The following MCF2L variants were observed in gnomAD, a reference collection of about 807,000 sequenced individuals.
MCF2L encodes guanine nucleotide exchange factor DBS.
Under a neutral mutation model 153.4 loss-of-function variants are expected in MCF2L, and 97 were observed. The observed-to-expected ratio is 0.63, with a 90% CI of 0.54 to 0.75. The LOEUF (loss-of-function observed/expected upper bound fraction) is 0.75. Ranked by LOEUF, MCF2L falls within the 30% of genes least tolerant of loss-of-function variation. The pLI, the probability that MCF2L is intolerant of heterozygous loss-of-function variation, is 0.00. For missense variants in MCF2L, 1,347 were observed against 1,495.2 expected (o/e 0.90, Z 1.64); for synonymous variants, 659 against 632.2 (o/e 1.04, Z -0.64).
upstream of MCF2L, chr13:112,964,767 C>A (rs1460322458): frequency 6.6e-6 from 1 of 152,176 alleles, no homozygotes; most frequent in Non-Finnish European, 1.5e-5. Context: ...AAATTTGTTA[C>A]AAAGAATAGA....
At chr13:112,975,904 C>T (rs1265042987) in intron 1 of MCF2L, among the ~76,000 whole-genome samples, 3 of 145,726 alleles carry the variant, frequency 2.1e-5, no homozygotes, top group African/African-American at 7.7e-5. Context: ...ACCTCACAGG[C>T]CCCTCTGCCA....
intron 2 of MCF2L, among the ~76,000 whole-genome samples, chr13:112,944,037 C>T (rs1186729336): frequency 6.6e-5 from 8 of 121,002 alleles, no homozygotes; most frequent in Admixed American, 2.5e-4. Flanking sequence ...GATCCTAGGC[C>T]GTGAGGGGAG....
chr13:112,967,059 G>A (rs1176842496), upstream of MCF2L, among the ~76,000 whole-genome samples: 3 of 152,142 alleles, frequency 2.0e-5, no homozygotes, highest in African/African-American at 4.8e-5. Flanking sequence ...GCCTAGGGCC[G>A]TGTGGGCTGA....
chr13:113,040,103 A>G (rs2086384013), intron 3 of MCF2L, among the ~76,000 whole-genome samples: 1 of 152,210 alleles, frequency 6.6e-6, no homozygotes, highest in Non-Finnish European at 1.5e-5. Flanking sequence ...GAATCCCACA[A>G]TGTTGAAAGA....
At position 113,070,744 on chromosome 13, in the gene MCF2L, C is replaced by T. The variant is rs1411792341; in HGVS notation, c.996+571C>T. 6.6e-6 allele frequency among the ~76,000 whole-genome samples: 1 copy of T among 152,208 alleles called. No homozygotes were observed. Among genetic ancestry groups the T allele is most frequent in the Admixed American group, 6.5e-5 (1 of 15,288 alleles). On this transcript the variant is annotated intron_variant, in intron 9 of 29. Transcript: ENST00000535094. This position sits in a 1 kb window ranked among gnomAD's most constrained non-coding sequence, Gnocchi z 5.6. Reference sequence around the variant, plus strand: ...TCTCGGGATTTGTTTGTTTGCTCAGCACAGCTCTCTGCAGACCCCCAGGTG... The same window carrying T: ...TCTCGGGATTTGTTTGTTTGCTCAGTACAGCTCTCTGCAGACCCCCAGGTG...
In MCF2L at chr13:113,053,957, G is replaced by C. The variant is rs116128108; in HGVS notation, c.370-6636G>C. 1.0e-3 allele frequency among the ~76,000 whole-genome samples: 155 copies of C among 152,284 alleles called. No homozygotes were observed. Among genetic ancestry groups the C allele is most frequent in the African/African-American group, 3.6e-3 (149 of 41,556 alleles). ...CTCCTCAACTCTTGATGGGAGCTCA[G>C]TTCACACGGCTCCGAATCGGCGAAA... On this transcript the variant is annotated intron_variant, in intron 4 of 29. Transcript: ENST00000535094. This position sits in a 1 kb window ranked among gnomAD's most constrained non-coding sequence, Gnocchi z 4.4.
At chr13:112,959,823 C>G (rs1425641316) in intron 2 of MCF2L, among the ~76,000 whole-genome samples, 1 of 152,198 alleles carries the variant, frequency 6.6e-6, no homozygotes, top group African/African-American at 2.4e-5. Flanking sequence ...AGCAACGCAC[C>G]GGTGCTGGAA....
rs2034837781 is a variant in MCF2L at position 113,088,312 on chromosome 13, C to T, written c.2689-15C>T. 1 of 1,608,950 alleles carries T rather than the reference C, an allele frequency of 6.2e-7. No homozygotes were observed. The highest frequency in any genetic ancestry group is 1.3e-5 in the African/African-American group (1 of 74,812). ...CCTGAGTACTCACCTCCTGGCGTTT[C>T]TTTTGGGGAAACAGGCGCCAACTCC... On this transcript the variant is annotated splice_polypyrimidine_tract_variant and intron_variant, in intron 23 of 29. Coordinates refer to ENST00000535094, the MANE Select transcript of MCF2L (RefSeq NM_001112732.3).
intron 2 of MCF2L, among the ~76,000 whole-genome samples, chr13:113,015,611 G>A (rs1164336390): frequency 3.3e-5 from 5 of 152,160 alleles, no homozygotes; most frequent in East Asian, 1.9e-4. Flanking sequence ...CCTCCATCCC[G>A]CACCTGCACC....
chr13:113,058,664 G>A (rs2030744748), intron 4 of MCF2L, among the ~76,000 whole-genome samples: 1 of 148,520 alleles, frequency 6.7e-6, no homozygotes, highest in African/African-American at 2.5e-5. Context: ...GCACTGAGTG[G>A]GCGCTGTGTG....
In MCF2L at chr13:113,074,641, G is replaced by T. The variant is rs570323447; in HGVS notation, c.1116+78G>T. ...GTGCTGCTCAGGAAGGCGCAGGAAT[G>T]GGCCTCCCGCCTACGGAGAACGGAC... is the stretch of plus-strand genomic sequence containing the variant. On this transcript the variant is annotated intron_variant, in intron 10 of 29. Transcript: ENST00000535094. The surrounding 1 kb of genome is among the most constrained non-coding windows in gnomAD (Gnocchi z 4.2). 264 of 1,581,548 alleles carry T rather than the reference G, an allele frequency of 1.7e-4. 1 individual carries two copies. The African/African-American group carries it at 3.0e-3, about 18-fold the overall frequency.
chr13:113,024,797 G>A, intron 3 of MCF2L, 39 bp downstream of exon 3: 1 of 1,516,668 alleles, frequency 6.6e-7, no homozygotes, highest in South Asian at 1.1e-5. Context: ...TGTGGTTTGG[G>A]GCAGAGTCCC....
chr13:113,051,663 G>A (rs2087338425), intron 4 of MCF2L, among the ~76,000 whole-genome samples: 1 of 152,220 alleles, frequency 6.6e-6, no homozygotes, highest in Non-Finnish European at 1.5e-5. Flanking sequence ...TCTTAGTCCG[G>A]GTCTGCTGCT....
chr13:113,087,187 C>A, intron 21 of MCF2L, 48 bp from the exon 22 acceptor site: 1 of 1,505,794 alleles, frequency 6.6e-7, no homozygotes, highest in Admixed American at 1.7e-5. Flanking sequence ...GCGTCCATGG[C>A]CCCAGGCCCA....
Position 113,087,425 on chromosome 13 carries a change from C to T in MCF2L, c.2564C>T (p.Ala855Val), listed in dbSNP as rs1302447983. The T allele has an allele frequency of 1.2e-6, 2 of 1,612,136 alleles. No homozygotes were observed. The highest frequency in any genetic ancestry group is 1.7e-6 in the Non-Finnish European group (2 of 1,179,450). ...REENGEGYEK[A>V]PSYSYKQSLN... ...GAGAATGGGGAGGGGTATGAGAAAG[C>T]TCCCTCCTACAGCTACAAGCAGTCC... The change falls in exon 22 of 30, where the codon GCT (alanine) becomes GTT (valine). Residue 855 changes from alanine (A) to valine (V), a missense_variant. By Grantham distance (64) the Ala-to-Val change is moderately conservative (BLOSUM62 0). Around this residue, in one of 3 missense-constraint regions of MCF2L, gnomAD observed 144 missense variants for 238.7 expected, o/e 0.60. Coordinates refer to ENST00000535094, the MANE Select transcript of MCF2L (RefSeq NM_001112732.3).
chr13:113,078,201 C>T (rs564296586), intron 13 of MCF2L, among the ~76,000 whole-genome samples, 162 bp from the exon 14 acceptor site: 78 of 152,206 alleles, frequency 5.1e-4, no homozygotes, highest in African/African-American at 1.8e-3. Context: ...CCTGCCCATG[C>T]CACCCCCTGT....
At position 113,087,782 on chromosome 13, in the gene MCF2L, G is replaced by A; in HGVS notation, c.2671G>A (p.Glu891Lys). ...CGAGATCTGGTACAACGCGCGCGAG[G>A]AGGTCTACATCGTCCAGGTGGGCCA... The part of the protein sequence containing the change: ...KFEIWYNARE[E>K]VYIVQAPTPE... The change falls in exon 23 of 30, where the codon GAG (glutamate) becomes AAG (lysine). Residue 891 changes from glutamate to lysine, a missense_variant. Glu to Lys is a moderately conservative substitution (Grantham distance 56, BLOSUM62 1). This residue lies in a region of MCF2L where 383 missense variants were observed against 335.4 expected (regional missense o/e 1.14). Coordinates refer to ENST00000535094, the MANE Select transcript of MCF2L (RefSeq NM_001112732.3). The A allele has an allele frequency of 6.2e-7, 1 of 1,614,106 alleles. No homozygotes were observed. Among genetic ancestry groups the A allele is most frequent in the Non-Finnish European group, 8.5e-7 (1 of 1,180,022 alleles).
At chr13:112,994,777 T>C (rs2083052093) in intron 1 of MCF2L, among the ~76,000 whole-genome samples, 1 of 151,442 alleles carries the variant, frequency 6.6e-6, no homozygotes, top group South Asian at 2.1e-4. Context: ...TCCCAAGCGG[T>C]CCCATCTACA....
upstream of MCF2L, chr13:112,965,019 G>A (rs1348408569): frequency 6.6e-6 from 1 of 152,232 alleles, no homozygotes; most frequent in Non-Finnish European, 1.5e-5. Context: ...ATCCCCAAAA[G>A]ACCATCTCCT....
Sources: gnomAD v4.1 joint callset for allele counts (sites outside exome capture counted in the v4.1 genomes callset) on GRCh38, gnomAD v4.1.1 for gene constraint, gnomAD v4.1.1 regional missense constraint, Gnocchi (gnomAD v3.1) non-coding constraint, MANE v1.5 for transcripts, NCBI Gene and HGNC (gene_info 2026-07-23, HGNC 2026-07-21) for gene names.